Variants in SRGAP1 observed in about 807,000 individuals in gnomAD.
The protein encoded by SRGAP1 is SLIT-ROBO Rho GTPase-activating protein 1.
Under a neutral mutation model 121.9 loss-of-function variants are expected in SRGAP1, and 43 were observed. That is an observed-to-expected ratio of 0.35 (90% CI 0.28 to 0.46). The LOEUF (loss-of-function observed/expected upper bound fraction) is 0.46, where lower values mean the gene tolerates loss of function less well. SRGAP1 is among the 20% of genes least tolerant of loss of function. The pLI, the probability that SRGAP1 is intolerant of heterozygous loss-of-function variation, is 1.00. For missense variants in SRGAP1, 1,102 were observed against 1,350.9 expected, an observed-to-expected ratio of 0.82 and a Z score of 2.89; for synonymous variants, 447 against 485.4, an observed-to-expected ratio of 0.92 and a Z score of 1.04.
At chr12:64,042,212 T>A (rs1302282189) in intron 4 of SRGAP1, among the ~76,000 whole-genome samples, 3 of 152,044 alleles carry the variant, frequency 2.0e-5, no homozygotes, top group Admixed American at 1.3e-4. Flanking sequence ...TTTTGTTTTG[T>A]TTTGTTTTTG....
intron 1 of SRGAP1, among the ~76,000 whole-genome samples, chr12:63,966,909 A>C (rs2032805084): frequency 6.6e-6 from 1 of 152,172 alleles, no homozygotes; most frequent in Non-Finnish European, 1.5e-5. Context: ...AGTTGAAGGA[A>C]ATTTCATATA....
At chr12:64,075,116 C>T (rs951913265) in intron 8 of SRGAP1, among the ~76,000 whole-genome samples, 1 of 152,188 alleles carries the variant, frequency 6.6e-6, no homozygotes, top group African/African-American at 2.4e-5. Flanking sequence ...AGGGGTCTCA[C>T]AGCCTTCAGA....
chr12:63,939,180 C>T (rs2031771763), intron 1 of SRGAP1, among the ~76,000 whole-genome samples: 2 of 150,538 alleles, frequency 1.3e-5, no homozygotes, highest in Non-Finnish European at 2.9e-5. Context: ...AAATTCTGCA[C>T]TGAGTGGTCA....
At chr12:64,071,704 G>T (rs1209241212) in intron 8 of SRGAP1, among the ~76,000 whole-genome samples, 2 of 152,146 alleles carry the variant, frequency 1.3e-5, no homozygotes, top group Non-Finnish European at 2.9e-5. Context: ...TGAGAGTCCT[G>T]AGCAACAATG....
intron 4 of SRGAP1, among the ~76,000 whole-genome samples, chr12:64,037,150 G>A (rs2034921040): frequency 2.0e-5 from 3 of 152,184 alleles, no homozygotes; most frequent in African/African-American, 7.2e-5. Flanking sequence ...GAGGTGCTGG[G>A]GGACAGCAGC....
Position 64,147,322 on chromosome 12 carries a change from G to C in SRGAP1, c.*4650G>C. The C allele has an allele frequency of 2.5e-6, 1 of 395,498 alleles. No homozygotes were observed. Among genetic ancestry groups the C allele is most frequent in the Non-Finnish European group, 4.4e-6 (1 of 224,720 alleles). 24.5% of individuals were successfully genotyped at this position (395,498 alleles called of 1,614,324 possible). ...GCCTTTCTATTTTAGAGGAGTTTTA[G>C]CCTTGCTCTTGTACCGTTGCCCCGC... is the stretch of plus-strand genomic sequence containing the variant. On this transcript the variant is annotated 3_prime_UTR_variant, in exon 22 of 22. Coordinates refer to ENST00000355086, the MANE Select transcript of SRGAP1 (RefSeq NM_020762.4).
chr12:64,125,839 T>C (rs1024378875), intron 18 of SRGAP1, 138 bp from the exon 19 acceptor site: 21 of 714,612 alleles, frequency 2.9e-5, no homozygotes, highest in Non-Finnish European at 3.6e-5. Context: ...CCTGCCTTGA[T>C]AATATGTTGA....
At chr12:63,937,921 G>T (rs1039551433) in intron 1 of SRGAP1, among the ~76,000 whole-genome samples, 5 of 152,234 alleles carry the variant, frequency 3.3e-5, no homozygotes, top group African/African-American at 4.8e-5. Context: ...GAAGCGCCCC[G>T]TGGCACGGTT....
At chr12:64,025,593 T>C (rs182618353) in intron 4 of SRGAP1, among the ~76,000 whole-genome samples, 3 of 152,306 alleles carry the variant, frequency 2.0e-5, no homozygotes, top group Admixed American at 6.5e-5. Flanking sequence ...AGTAGGAATA[T>C]GTAAAACGCT....
At chr12:63,936,487 AT>A (rs988994874) in intron 1 of SRGAP1, among the ~76,000 whole-genome samples, 7 of 152,044 alleles carry the variant, frequency 4.6e-5, no homozygotes, top group African/African-American at 1.7e-4. Flanking sequence ...GCTTCTGAGA[AT>A]TTTTGTAGAC....
intron 1 of SRGAP1, among the ~76,000 whole-genome samples, chr12:63,962,379 C>T (rs149753124): frequency 3.5e-4 from 53 of 152,214 alleles, no homozygotes; most frequent in Middle Eastern, 3.4e-3. Context: ...TAACTTTTCC[C>T]CTTGACCAAT....
chr12:63,865,447 C>T (rs770167748), intron 1 of SRGAP1, among the ~76,000 whole-genome samples: 15 of 151,770 alleles, frequency 9.9e-5, no homozygotes, highest in African/African-American at 2.2e-4. Context: ...CCAGCCTGGG[C>T]GATAGAGCGA....
chr12:63,977,507 C>T (rs914479951), intron 1 of SRGAP1, among the ~76,000 whole-genome samples: 10 of 152,106 alleles, frequency 6.6e-5, no homozygotes, highest in South Asian at 4.1e-4. Flanking sequence ...TCAATCTTTC[C>T]GTGAAATATG....
intron 1 of SRGAP1, among the ~76,000 whole-genome samples, chr12:63,910,902 G>C (rs2030461883): frequency 6.6e-6 from 1 of 152,102 alleles, no homozygotes; most frequent in Non-Finnish European, 1.5e-5. Flanking sequence ...CATTTGTCCT[G>C]ACAACTCTAG....
At chr12:64,128,470 G>A (rs906174573) in intron 21 of SRGAP1, among the ~76,000 whole-genome samples, 20 of 152,144 alleles carry the variant, frequency 1.3e-4, no homozygotes, top group Admixed American at 5.2e-4. Context: ...ACCTATCATT[G>A]TGAATAGCCA....
At chr12:63,865,850 G>A (rs561151901) in intron 1 of SRGAP1, among the ~76,000 whole-genome samples, 6 of 152,300 alleles carry the variant, frequency 3.9e-5, no homozygotes, top group African/African-American at 1.4e-4. Flanking sequence ...GATCAGACAA[G>A]CAGCAGATCA....
At chr12:64,127,801 T>G in intron 20 of SRGAP1, 60 bp from the exon 21 acceptor site, 5 of 1,600,704 alleles carry the variant, frequency 3.1e-6, no homozygotes, top group Non-Finnish European at 4.3e-6. Context: ...ACCTCAGCCT[T>G]GCAGTACTGC....
chr12:63,855,715 C>T (rs1899227646), intron 1 of SRGAP1, among the ~76,000 whole-genome samples: 1 of 151,722 alleles, frequency 6.6e-6, no homozygotes, highest in African/African-American at 2.4e-5. Context: ...TCTTGAACTC[C>T]TGGGCTCAAG....
At chr12:64,128,950 T>G (rs2036742059) in intron 21 of SRGAP1, among the ~76,000 whole-genome samples, 1 of 152,150 alleles carries the variant, frequency 6.6e-6, no homozygotes, top group Admixed American at 6.5e-5. Context: ...CTGGCTCTTT[T>G]CACAGCACAG....
Sources: allele counts gnomAD v4.1 joint callset (sites outside exome capture counted in the v4.1 genomes callset), GRCh38; gene constraint gnomAD v4.1.1; transcripts MANE v1.5; gene names NCBI Gene and HGNC (gene_info 2026-07-23, HGNC 2026-07-21).